DAPK2: variants seen among roughly 807,000 people sequenced by gnomAD.
DAPK2 encodes the protein death-associated protein kinase 2.
A neutral mutation model predicts 44.1 loss-of-function variants in DAPK2; 35 were observed. That is an observed-to-expected ratio of 0.79 (90% CI 0.61 to 1.05). DAPK2 has a LOEUF of 1.05. DAPK2 is among the 50% of genes least tolerant of loss of function. The pLI, the probability that DAPK2 is intolerant of heterozygous loss-of-function variation, is 0.00. For synonymous variants in DAPK2, 174 were observed against 182.6 expected, an observed-to-expected ratio of 0.95 and a Z score of 0.38; for missense variants, 453 against 483.2, an observed-to-expected ratio of 0.94 and a Z score of 0.59.
chr15:63,971,922 T>C (rs904160199), intron 2 of DAPK2, among the ~76,000 whole-genome samples: 3 of 152,226 alleles, frequency 2.0e-5, no homozygotes, highest in African/African-American at 7.2e-5. Flanking sequence ...ATGTTTGCGT[T>C]CCTCCAAGTT....
intron 4 of DAPK2, among the ~76,000 whole-genome samples, chr15:63,936,645 G>A (rs2077161162): frequency 6.6e-6 from 1 of 151,768 alleles, no homozygotes; most frequent in Admixed American, 6.6e-5. Context: ...CTTATTTCCT[G>A]TGAGACCAGA....
At chr15:64,036,944 A>T (rs1345819938) in intron 1 of DAPK2, among the ~76,000 whole-genome samples, 2 of 152,170 alleles carry the variant, frequency 1.3e-5, no homozygotes, top group Non-Finnish European at 2.9e-5. Flanking sequence ...GCTCTTGATC[A>T]TGAACACTTA....
rs907917068 is a variant in DAPK2 at position 63,926,203 on chromosome 15, C to A, written c.660-110G>T. 9.5e-6 allele frequency: 12 copies of A among 1,267,214 alleles called. No individual in the cohort carries two copies. The Admixed American group carries it at 2.5e-4, about 26-fold the overall frequency. The allele number at this position is 1,267,214 out of a possible 1,614,324, so 78.5% of individuals were successfully genotyped here. A position where few individuals can be genotyped will look rare whatever the true frequency, so the allele number is the denominator to read the frequency against. On this transcript the variant is annotated intron_variant, in intron 6 of 10. Transcript: ENST00000261891. ...ACTGCTGCAGGGAGCTGGAAGGCTC[C>A]CAGCAACACAGCCTGCCCCCTCTGG...
intron 3 of DAPK2, among the ~76,000 whole-genome samples, chr15:63,946,215 G>T (rs1289626138): frequency 6.6e-6 from 1 of 152,258 alleles, no homozygotes; most frequent in African/African-American, 2.4e-5. Flanking sequence ...TGTCCTGGGG[G>T]ATCTGGCCAG....
intron 1 of DAPK2, among the ~76,000 whole-genome samples, chr15:64,026,156 C>G (rs1166401647): frequency 6.6e-6 from 1 of 152,198 alleles, no homozygotes; most frequent in Non-Finnish European, 1.5e-5. Flanking sequence ...CTGGAAGCTG[C>G]CGGGGTCTCA....
intron 1 of DAPK2, among the ~76,000 whole-genome samples, chr15:64,036,962 C>T (rs986526929): frequency 6.6e-6 from 1 of 152,178 alleles, no homozygotes; most frequent in East Asian, 1.9e-4. Context: ...TTACCCCATG[C>T]CCAGCTCTGA....
chr15:63,948,721 C>T (rs117677476), intron 3 of DAPK2, among the ~76,000 whole-genome samples: 2 of 152,270 alleles, frequency 1.3e-5, no homozygotes, highest in East Asian at 1.9e-4. Context: ...CCTAGAGGTC[C>T]GTGTAGAACA....
chr15:63,935,086 C>CT (rs1316804307), intron 4 of DAPK2, among the ~76,000 whole-genome samples: 2 of 99,998 alleles, frequency 2.0e-5, no homozygotes, highest in Non-Finnish European at 2.2e-5. Context: ...AAATCTTTGC[C>CT]TTCTTTTTTT....
intron 1 of DAPK2, among the ~76,000 whole-genome samples, chr15:64,007,182 C>T (rs2079256849): frequency 2.0e-5 from 3 of 151,968 alleles, no homozygotes; most frequent in Non-Finnish European, 4.4e-5. Flanking sequence ...CCTGGCTGGT[C>T]CTGAACTCCT....
rs562587640 is a variant in DAPK2, at chr15:64,039,078, T to C, written c.92+1092A>G. Among the ~76,000 whole-genome samples the C allele has an allele frequency of 3.3e-5, 5 of 152,372 alleles. No individual in the cohort carries two copies. The East Asian group carries it at 9.6e-4, about 29-fold the overall frequency. ...AGACCAAACCAATGTTCATCTTGCATATTTGATTGATGTCTCCAGTCTCCA... is the reference window on the plus strand; with the variant it reads ...AGACCAAACCAATGTTCATCTTGCACATTTGATTGATGTCTCCAGTCTCCA... On this transcript the variant is annotated intron_variant, in intron 1 of 10. Coordinates refer to ENST00000261891, the Ensembl canonical transcript of DAPK2.
At chr15:64,033,374 C>T (rs2080085851) in intron 1 of DAPK2, among the ~76,000 whole-genome samples, 1 of 151,284 alleles carries the variant, frequency 6.6e-6, no homozygotes, top group Admixed American at 6.6e-5. Context: ...GATCCACCCG[C>T]CTCGGCCTCC....
At chr15:64,002,119 A>G (rs1333298289) in intron 1 of DAPK2, among the ~76,000 whole-genome samples, 2 of 152,110 alleles carry the variant, frequency 1.3e-5, no homozygotes, top group African/African-American at 4.8e-5. Flanking sequence ...GGTATTGCCA[A>G]CTCCTACTGC....
chr15:63,912,604 A>G lies in DAPK2; in HGVS notation c.859-407T>C, dbSNP rs2078827528. Among the ~76,000 whole-genome samples the G allele has an allele frequency of 6.6e-6, 1 of 152,066 alleles. No individual in the cohort carries two copies. The highest frequency in any genetic ancestry group is 2.1e-4 in the South Asian group (1 of 4,822). ...CCTTGTTGGTAGACGGGGAATTCAT[A>G]CTCCATTAAAAAATAAATGGAAGGA... is the stretch of plus-strand genomic sequence containing the variant. On this transcript the variant is annotated intron_variant, in intron 8 of 10. Coordinates refer to ENST00000261891, the Ensembl canonical transcript of DAPK2. The surrounding 1 kb of genome is among the most constrained non-coding windows in gnomAD (Gnocchi z 4.4).
intron 2 of DAPK2, among the ~76,000 whole-genome samples, chr15:63,971,783 C>A (rs980788856): frequency 2.0e-5 from 3 of 152,242 alleles, no homozygotes; most frequent in Non-Finnish European, 4.4e-5. Context: ...AGGAATCACC[C>A]TGGAGGTGTT....
At chr15:63,984,519 C>T (rs957555423) in intron 1 of DAPK2, among the ~76,000 whole-genome samples, 10 of 152,146 alleles carry the variant, frequency 6.6e-5, no homozygotes, top group Non-Finnish European at 1.3e-4. Flanking sequence ...GCTCCAGGGG[C>T]CCTCCCCACA....
intron 1 of DAPK2, among the ~76,000 whole-genome samples, chr15:64,004,093 T>G (rs74021221): frequency 4.6e-5 from 7 of 152,048 alleles, no homozygotes; most frequent in African/African-American, 1.5e-4. Context: ...TCTCTCTCTC[T>G]CTCTCTCCCT....
At chr15:64,008,593 T>C (rs1235775706) in intron 1 of DAPK2, among the ~76,000 whole-genome samples, 1 of 152,184 alleles carries the variant, frequency 6.6e-6, no homozygotes, top group East Asian at 1.9e-4. Context: ...CTGGATGCAA[T>C]AGACAATTAT....
exon 1 of DAPK2, chr15:64,040,244 C>T (rs745683631): frequency 1.7e-5 from 27 of 1,613,892 alleles, no homozygotes; most frequent in Non-Finnish European, 2.3e-5. Context: ...TTGGACTCCT[C>T]ATTGAGGCCT....
intron 1 of DAPK2, among the ~76,000 whole-genome samples, chr15:64,022,984 T>A (rs1404850960): frequency 6.6e-6 from 1 of 152,168 alleles, no homozygotes; most frequent in African/African-American, 2.4e-5. Context: ...GCCAGAAATT[T>A]TCTGGCAAAA....
Sources: allele counts gnomAD v4.1 joint callset (sites outside exome capture counted in the v4.1 genomes callset), GRCh38; gene constraint gnomAD v4.1.1; non-coding constraint Gnocchi (gnomAD v3.1); transcripts MANE v1.5; gene names NCBI Gene and HGNC (gene_info 2026-07-23, HGNC 2026-07-21).